RBMX: variants seen among roughly 807,000 people sequenced by gnomAD.
RBMX encodes the protein RNA-binding motif protein, X chromosome.
Under a neutral mutation model 29.3 loss-of-function variants are expected in RBMX, and 1 was observed. The ratio of observed to expected loss-of-function variants is 0.03; its 90% confidence interval spans 0.01 to 0.16. The LOEUF is 0.16. Ranked by LOEUF, RBMX falls within the 10% of genes least tolerant of loss-of-function variation. The pLI is 1.00. For missense variants in RBMX, 121 were observed against 333.2 expected, an observed-to-expected ratio of 0.36 and a Z score of 4.96; for synonymous variants, 102 against 102.3, an observed-to-expected ratio of 1.00 and a Z score of 0.02.
intron 5 of RBMX, 80 bp from the exon 6 acceptor site, chrX:136,875,665 T>C: frequency 2.7e-6 from 3 of 1,105,838 alleles, no homozygotes; most frequent in South Asian, 2.2e-5. Context: ...CTATGAAAAA[T>C]AATGAGACTG....
rs763312129 is a variant in RBMX at position 136,874,364 on chromosome X, G to A, written c.954C>T (p.Asp318=). 22 of 1,212,283 alleles carry A rather than the reference G, an allele frequency of 1.8e-5. No individual in the cohort carries two copies. The highest frequency in any genetic ancestry group is 1.0e-4 in the African/African-American group (6 of 57,991). The change falls in exon 9 of 9, where the codon GAC becomes GAT. Residue 318 remains aspartate, a synonymous_variant. Transcript: ENST00000320676. ...SRYDDYSSSR[D]GYGGSRDSYS... ...AACTGTCTCGACTTCCACCATATCC[G>A]TCACGTGAGCTGCTGTAATCATCAT...
downstream of RBMX, among the ~76,000 whole-genome samples, chrX:136,871,050 G>A (rs2077680846): frequency 9.2e-6 from 1 of 108,237 alleles, no homozygotes; most frequent in Admixed American, 1.0e-4. Flanking sequence ...GGAAGCAGAG[G>A]TTGCAGTGAG....
chrX:136,872,406 G>A (rs1333008722), downstream of RBMX: 5 of 956,113 alleles, frequency 5.2e-6, no homozygotes, highest in Non-Finnish European at 7.3e-6. Flanking sequence ...TTTAAAACTT[G>A]CCTATTACTG....
At chrX:136,871,092 C>A (rs2077681224), downstream of RBMX, among the ~76,000 whole-genome samples, 3 of 105,325 alleles carry the variant, frequency 2.8e-5, no homozygotes, top group Admixed American at 2.1e-4. Context: ...CTAGCCTGGG[C>A]AACAAGTGCA....
At position 136,874,936 on chromosome X, in the gene RBMX, C is replaced by G. The variant is rs1436683659; in HGVS notation, c.865+150G>C. The stretch of plus-strand genomic sequence containing the variant: ...TTAGAAAAACAAAAAAAGCCCCTCA[C>G]AAAACTAGGAAAAGCCCAGCTGATA... On this transcript the variant is annotated intron_variant, in intron 8 of 8. Coordinates refer to ENST00000320676, the MANE Select transcript of RBMX (RefSeq NM_002139.4). 4.8e-6 allele frequency: 5 copies of G among 1,033,698 alleles called. No homozygotes were observed. In the Admixed American group the frequency reaches 1.9e-4, roughly 39 times the overall value. The allele number at this position is 1,033,698 out of a possible 1,213,427, so 85.2% of individuals were successfully genotyped here. A position where few individuals can be genotyped will look rare whatever the true frequency, so the allele number is the denominator to read the frequency against.
rs753339024 is a variant in RBMX at position 136,879,416 on chromosome X, T to G, written c.12A>C (p.Ala4=). 16 of 1,198,258 alleles carry G rather than the reference T, an allele frequency of 1.3e-5. 1 individual carries two copies. The highest frequency in any genetic ancestry group is 9.4e-5 in the Admixed American group (4 of 42,426). ...CAATGAAGAGCTTTCCTGGGCGATC[T>G]GCTTCAACCATGTTTTTTTTTTTTT... MVE[A]DRPGKLFIGG... Residue 4 remains alanine (A), a synonymous_variant, in exon 2 of 9, where the codon GCA becomes GCC. Coordinates refer to ENST00000320676, the MANE Select transcript of RBMX (RefSeq NM_002139.4).
chrX:136,872,637 T>C, downstream of RBMX: 1 of 288,486 alleles, frequency 3.5e-6, no homozygotes, highest in Non-Finnish European at 6.1e-6. Flanking sequence ...AAGGAATAAG[T>C]GCAGTATAAG....
rs551620166 is a variant in RBMX at position 136,878,144 on chromosome X, C to T, written c.217-58G>A. 1.5e-3 allele frequency: 1,474 copies of T among 1,001,254 alleles called. 25 individuals are homozygous for T. In the South Asian group the frequency reaches 0.036, roughly 24 times the overall value. The allele number at this position is 1,001,254 out of a possible 1,213,427, so 82.5% of individuals were successfully genotyped here. A position where few individuals can be genotyped will look rare whatever the true frequency, so the allele number is the denominator to read the frequency against. On this transcript the variant is annotated intron_variant, in intron 3 of 8. Coordinates refer to ENST00000320676, the MANE Select transcript of RBMX (RefSeq NM_002139.4). ...GATTTAAAAATAATTTGCACATCTACTATGCACTAAGACACTAACTGGTCC... is the reference window on the plus strand; with the variant it reads ...GATTTAAAAATAATTTGCACATCTATTATGCACTAAGACACTAACTGGTCC...
Position 136,879,167 on chromosome X carries a change from A to C in RBMX, c.110-44T>G, listed in dbSNP as rs748457917. On this transcript the variant is annotated intron_variant, in intron 2 of 8. Transcript: ENST00000320676. ...AAAAATAAAGTGTTACCCTAGGTCA[A>C]ATGAAATAACCAAAGTAAATGTGTA... The C allele has an allele frequency of 5.0e-6, 6 of 1,209,981 alleles. No individual in the cohort carries two copies. In the Admixed American group the frequency reaches 6.5e-5, roughly 13 times the overall value.
intron 5 of RBMX, 111 bp from the exon 6 acceptor site, chrX:136,875,696 G>A: frequency 1.0e-6 from 1 of 1,001,618 alleles, no homozygotes; most frequent in East Asian, 3.2e-5. Context: ...TGACATTACG[G>A]AGGCTAGATC....
chrX:136,878,791 AACT>A (rs1168132226), intron 3 of RBMX, among the ~76,000 whole-genome samples: 1 of 109,185 alleles, frequency 9.2e-6, no homozygotes, highest in Admixed American at 9.9e-5. Flanking sequence ...AATTATTCTG[AACT>A]GAGAGAATGT....
chrX:136,870,746 C>T (rs1255119844), downstream of RBMX, among the ~76,000 whole-genome samples: 1 of 96,454 alleles, frequency 1.0e-5, no homozygotes, highest in Non-Finnish European at 2.0e-5. Flanking sequence ...GCAGGAGAAT[C>T]GCTTGAACCT....
At chrX:136,879,525 C>A in intron 1 of RBMX, 72 bp from the exon 2 acceptor site, 3 of 862,455 alleles carry the variant, frequency 3.5e-6, no homozygotes, top group Admixed American at 6.1e-5. Context: ...TACTTTCGCA[C>A]ATTTCTCATA....
downstream of RBMX, chrX:136,872,994 C>T (rs1398441757): frequency 9.2e-6 from 1 of 108,313 alleles, no homozygotes; most frequent in African/African-American, 3.4e-5. Context: ...AGCCCCAGAT[C>T]GCCATTGGTA....
In RBMX at chrX:136,875,278, G is replaced by A. The variant is rs922110575; in HGVS notation, c.762C>T (p.Asp254=). The A allele has an allele frequency of 4.1e-6, 5 of 1,210,160 alleles. No homozygotes were observed. The African/African-American group carries it at 8.7e-5, about 21-fold the overall frequency. The part of the protein sequence containing the change: ...RDYGHSSSRD[D]YPSRGYSDRD... ...CTTACCTATATCCTCTTGATGGATA[G>A]TCATCACGTGAACTGGAATGACCAT... The change falls in exon 7 of 9, where the codon GAC becomes GAT. Residue 254 remains aspartate, a synonymous_variant. Transcript: ENST00000320676.
chrX:136,878,858 C>G (rs1317955130), intron 3 of RBMX, among the ~76,000 whole-genome samples, 159 bp downstream of exon 3: 1 of 110,259 alleles, frequency 9.1e-6, no homozygotes, highest in Non-Finnish European at 1.9e-5. Flanking sequence ...TTACAGAATA[C>G]TCTTTGGAAC....
At position 136,875,181 on chromosome X, in the gene RBMX, G is replaced by A. The variant is rs2077713850; in HGVS notation, c.783-13C>T. On this transcript the variant is annotated splice_polypyrimidine_tract_variant and intron_variant, in intron 7 of 8. Transcript: ENST00000320676. ...TCCATCTCTATCGCTAAATTAAAGA[G>A]AAACCTTTAAGTCCCAGAGAATCAA... The A allele has an allele frequency of 1.7e-6, 2 of 1,209,606 alleles. No individual in the cohort carries two copies. Among genetic ancestry groups the A allele is most frequent in the Non-Finnish European group, 2.2e-6 (2 of 895,236 alleles).
intron 3 of RBMX, among the ~76,000 whole-genome samples, chrX:136,878,404 C>T (rs1393989357): frequency 7.2e-5 from 8 of 110,659 alleles, no homozygotes; most frequent in Admixed American, 1.9e-4. Flanking sequence ...AACCAAAAGC[C>T]AAGTTATCAA....
downstream of RBMX, chrX:136,872,339 C>T (rs766896098): frequency 8.6e-7 from 1 of 1,162,945 alleles, no homozygotes; most frequent in African/African-American, 1.8e-5. Flanking sequence ...TGAGCAAAAT[C>T]ACCAACCTGC....
Sources: allele counts gnomAD v4.1 joint callset (sites outside exome capture counted in the v4.1 genomes callset), GRCh38; gene constraint gnomAD v4.1.1; transcripts MANE v1.5; gene names NCBI Gene and HGNC (gene_info 2026-07-23, HGNC 2026-07-21).